Variants in SIRT3 observed in about 807,000 individuals in gnomAD.
SIRT3 encodes the protein sirtuin 3.
In SIRT3, 26 loss-of-function variants were observed where a neutral mutation model predicts 33.5. The ratio of observed to expected loss-of-function variants is 0.78; its 90% CI spans 0.57 to 1.08. SIRT3 has a LOEUF of 1.08. Ranked by LOEUF, SIRT3 falls within the 50% of genes least tolerant of loss-of-function variation. The pLI is 0.00. For missense variants in SIRT3, 585 were observed against 530.1 expected (o/e 1.10, Z -1.02); for synonymous variants, 237 against 222.1 (o/e 1.07, Z -0.60).
At chr11:230,006 C>G (rs1014782536) in intron 4 of SIRT3, among the ~76,000 whole-genome samples, 2 of 152,098 alleles carry the variant, frequency 1.3e-5, no homozygotes, top group African/African-American at 4.8e-5. Context: ...ACACAAGCTA[C>G]AAGGCGAAGG....
rs924016767 is a variant in SIRT3 at position 223,806 on chromosome 11, T to C, written c.969+272A>G. 1 of 983,164 alleles carries C rather than the reference T, an allele frequency of 1.0e-6. No homozygotes were observed. Among genetic ancestry groups the C allele is most frequent in the Non-Finnish European group, 1.6e-6 (1 of 634,680 alleles). The allele number at this position is 983,164 out of a possible 1,614,324, so 60.9% of individuals were successfully genotyped here. A position where few individuals can be genotyped will look rare whatever the true frequency, so the allele number is the denominator to read the frequency against. On this transcript the variant is annotated intron_variant, in intron 5 of 6. Transcript: ENST00000382743. The surrounding 1 kb of genome is among the most constrained non-coding windows in gnomAD (Gnocchi z 4.8). ...GGAAGGGCCCATGAGATGACTCCTG[T>C]ACCCCTCCCTTCCCCTGCCCTCCAG... is the stretch of plus-strand genomic sequence containing the variant.
At chr11:220,330 C>CA (rs55855156) in intron 5 of SIRT3, among the ~76,000 whole-genome samples, 8,957 of 86,704 alleles carry the variant, frequency 0.1, 678 homozygotes, top group East Asian at 0.44. Flanking sequence ...GACTCTGTCT[C>CA]AAAAAAAAAA....
rs756015401 is a variant in SIRT3 at position 236,161 on chromosome 11, G to C, written c.168C>G (p.Ala56=). 2 of 1,566,782 alleles carry C rather than the reference G, an allele frequency of 1.3e-6. No individual in the cohort carries two copies. Among genetic ancestry groups the C allele is most frequent in the Non-Finnish European group, 8.6e-7 (1 of 1,158,020 alleles). Reference sequence around the variant, plus strand: ...GCGCCGGGTCCAAGGGCTCACCGCGGGCCCCATGGCTGCCTCTCAGCCCCG... The same window carrying C: ...GCGCCGGGTCCAAGGGCTCACCGCGCGCCCCATGGCTGCCTCTCAGCCCCG... The part of the protein sequence containing the change: ...VSAGLRGSHG[A]RGEPLDPARP... Residue 56 remains alanine, a synonymous_variant, in exon 1 of 7, where the codon GCC becomes GCG. Coordinates refer to ENST00000382743, the MANE Select transcript of SIRT3 (RefSeq NM_012239.6).
chr11:216,030 C>G lies in SIRT3; in HGVS notation c.*668G>C, dbSNP rs1020019249. The G allele has an allele frequency of 6.5e-6, 1 of 152,694 alleles. No individual in the cohort carries two copies. Among genetic ancestry groups the G allele is most frequent in the Non-Finnish European group, 1.5e-5 (1 of 68,172 alleles). 9.5% of individuals were successfully genotyped at this position (152,694 alleles called of 1,614,324 possible). A position where few individuals can be genotyped will look rare whatever the true frequency, so the allele number is the denominator to read the frequency against. Reference sequence around the variant, plus strand: ...CCACCTTCAGAGGGAGGAGCTGGGCCGTCTCCAATAAATCCAGGGACAAAT... The same window carrying G: ...CCACCTTCAGAGGGAGGAGCTGGGCGGTCTCCAATAAATCCAGGGACAAAT... On this transcript the variant is annotated 3_prime_UTR_variant, in exon 7 of 7. Transcript: ENST00000382743.
Position 236,279 on chromosome 11 carries a change from C to T in SIRT3, c.50G>A (p.Arg17Gln), listed in dbSNP as rs765030215. The change falls in exon 1 of 7, where the codon CGG becomes CAG. Residue 17 changes from arginine (R) to glutamine (Q), a missense_variant. Coordinates refer to ENST00000382743, the MANE Select transcript of SIRT3 (RefSeq NM_012239.6). The stretch of plus-strand genomic sequence containing the variant: ...CCCGGCCTCGACCCGTTCAACTACC[C>T]GGCCCCACAGCCGGAGGGCTGCCGC... ...RAAAALRLWGRVVERVEAGGG... is the reference protein window; with the variant it reads ...RAAAALRLWGQVVERVEAGGG... The T allele has an allele frequency of 2.0e-6, 3 of 1,538,372 alleles. No homozygotes were observed. In the East Asian group the frequency reaches 7.5e-5, roughly 38 times the overall value.
At chr11:226,558 G>A (rs531952618) in intron 4 of SIRT3, among the ~76,000 whole-genome samples, 1 of 148,550 alleles carries the variant, frequency 6.7e-6, no homozygotes, top group African/African-American at 2.5e-5. Context: ...ACAGATGGGT[G>A]CCACCACAAA....
In SIRT3 at chr11:224,130, A is replaced by T. The variant is rs1363390088; in HGVS notation, c.917T>A (p.Val306Glu). The change falls in exon 5 of 7, where the codon GTG (valine) becomes GAG (glutamate). Residue 306 changes from valine (V) to glutamate (E), a missense_variant. Coordinates refer to ENST00000382743, the MANE Select transcript of SIRT3 (RefSeq NM_012239.6). Reference sequence around the variant, plus strand: ...CAGATCTGCCATGGGGAAATCAACCACATGCAGCAAGAACCTCTGGGGCAG... The same window carrying T: ...CAGATCTGCCATGGGGAAATCAACCTCATGCAGCAAGAACCTCTGGGGCAG... ...EPLPQRFLLH[V>E]VDFPMADLLL... is the part of the protein sequence containing the mutation. 6.2e-7 allele frequency: 1 copy of T among 1,614,130 alleles called. No homozygotes were observed. The highest frequency in any genetic ancestry group is 8.5e-7 in the Non-Finnish European group (1 of 1,180,014).
intron 4 of SIRT3, among the ~76,000 whole-genome samples, chr11:226,840 G>A (rs566778407): frequency 4.1e-5 from 6 of 147,566 alleles, no homozygotes; most frequent in African/African-American, 1.5e-4. Context: ...CGCAACCTCC[G>A]CCTCCCTGGT....
chr11:235,952 C>T, intron 1 of SIRT3, 96 bp downstream of exon 1: 1 of 1,354,498 alleles, frequency 7.4e-7, no homozygotes, highest in East Asian at 2.8e-5. Flanking sequence ...ACGTAAACTC[C>T]CAGACATGCC....
At position 216,715 on chromosome 11, in the gene SIRT3, C is replaced by G; in HGVS notation, c.1183G>C (p.Asp395His). Reference sequence around the variant, plus strand: ...CCATCATCCTATTTGTCTGGTCCATCAAGCTGGAATACAGAAGACAGAGGG... The same window carrying G: ...CCATCATCCTATTTGTCTGGTCCATGAAGCTGGAATACAGAAGACAGAGGG... The part of the protein sequence containing the change: ...DLVQRETGKL[D>H]GPDK The change falls in exon 7 of 7, where the codon GAT becomes CAT. Residue 395 changes from aspartate (D) to histidine (H), a missense_variant. Transcript: ENST00000382743. The G allele has an allele frequency of 2.5e-6, 4 of 1,614,140 alleles. No individual in the cohort carries two copies. Among genetic ancestry groups the G allele is most frequent in the Non-Finnish European group, 3.4e-6 (4 of 1,179,982 alleles).
chr11:216,561 T>A lies in SIRT3; in HGVS notation c.*137A>T, dbSNP rs1181400386. ...CTCATGGCCTGAGAAGACATTCCAG[T>A]GGCAGCCTCGGGTGTCCACTCAGTT... On this transcript the variant is annotated 3_prime_UTR_variant, in exon 7 of 7. Coordinates refer to ENST00000382743, the MANE Select transcript of SIRT3 (RefSeq NM_012239.6). The A allele has an allele frequency of 3.2e-6, 3 of 925,882 alleles. No homozygotes were observed. Among genetic ancestry groups the A allele is most frequent in the Non-Finnish European group, 3.5e-6 (2 of 576,136 alleles). 57.4% of individuals were successfully genotyped at this position (925,882 alleles called of 1,614,324 possible). A position where few individuals can be genotyped will look rare whatever the true frequency, so the allele number is the denominator to read the frequency against.
intron 4 of SIRT3, among the ~76,000 whole-genome samples, chr11:225,163 C>T (rs927710191): frequency 6.6e-6 from 1 of 152,016 alleles, no homozygotes; most frequent in Non-Finnish European, 1.5e-5. Flanking sequence ...TCTGTAATCC[C>T]AGGACTTCGG....
Position 216,547 on chromosome 11 carries a change from A to G in SIRT3, c.*151T>C. On this transcript the variant is annotated 3_prime_UTR_variant, in exon 7 of 7. Transcript: ENST00000382743. ...ACCAGTCACTGCAGCTCATGGCCTG[A>G]GAAGACATTCCAGTGGCAGCCTCGG... is the stretch of plus-strand genomic sequence containing the variant. The G allele has an allele frequency of 1.2e-6, 1 of 819,416 alleles. No individual in the cohort carries two copies. Among genetic ancestry groups the G allele is most frequent in the South Asian group, 1.6e-5 (1 of 63,238 alleles). 50.8% of individuals were successfully genotyped at this position (819,416 alleles called of 1,614,324 possible).
chr11:227,914 G>C (rs1019887765), intron 4 of SIRT3, among the ~76,000 whole-genome samples: 2 of 152,168 alleles, frequency 1.3e-5, no homozygotes, highest in African/African-American at 2.4e-5. Context: ...GAGCCACTGT[G>C]CCCAGTCCCA....
At chr11:232,950 A>G (rs1858290226) in intron 3 of SIRT3, 33 bp downstream of exon 3, 1 of 1,600,446 alleles carries the variant, frequency 6.2e-7, no homozygotes, top group East Asian at 2.2e-5. Flanking sequence ...TCCGTGGGAG[A>G]AAAAGAATGT....
intron 6 of SIRT3, among the ~76,000 whole-genome samples, chr11:216,960 G>A (rs1387243106): frequency 6.6e-6 from 1 of 152,226 alleles, no homozygotes; most frequent in African/African-American, 2.4e-5. Flanking sequence ...AATATGTACT[G>A]ATGCTCATGT....
At position 232,399 on chromosome 11, in the gene SIRT3, G is replaced by A. The variant is rs114700655; in HGVS notation, c.706+584C>T. Among the ~76,000 whole-genome samples the A allele has an allele frequency of 7.6e-3, 1,153 of 152,218 alleles. 16 individuals are homozygous for A. Among genetic ancestry groups the A allele is most frequent in the African/African-American group, 0.025 (1,025 of 41,530 alleles). On this transcript the variant is annotated intron_variant, in intron 3 of 6. Transcript: ENST00000382743. ...CTCCCAAAATGCTGGGATTACAGGT[G>A]TGATCCCACACCTGTAATCCGGCAC...
Position 216,172 on chromosome 11 carries a change from A to G in SIRT3, c.*526T>C, listed in dbSNP as rs1855624763. On this transcript the variant is annotated 3_prime_UTR_variant, in exon 7 of 7. Coordinates refer to ENST00000382743, the MANE Select transcript of SIRT3 (RefSeq NM_012239.6). The stretch of plus-strand genomic sequence containing the variant: ...GGAGACTAAATGTATTTCATGCTGG[A>G]AAGAACAGATTTTCTCTCATTAAAA... 1 of 153,796 alleles carries G rather than the reference A, an allele frequency of 6.5e-6. No individual in the cohort carries two copies. The highest frequency in any genetic ancestry group is 2.4e-5 in the African/African-American group (1 of 41,488). 9.5% of individuals were successfully genotyped at this position (153,796 alleles called of 1,614,324 possible).
chr11:236,597 C>T (rs140230575), upstream of SIRT3: 239 of 190,688 alleles, frequency 1.3e-3, no homozygotes, highest in Non-Finnish European at 2.2e-3. Context: ...GCCAGCATTT[C>T]TGTACCCTGC....
Sources: gnomAD v4.1 joint callset for allele counts (sites outside exome capture counted in the v4.1 genomes callset) on GRCh38, gnomAD v4.1.1 for gene constraint, Gnocchi (gnomAD v3.1) non-coding constraint, MANE v1.5 for transcripts, NCBI Gene and HGNC (gene_info 2026-07-23, HGNC 2026-07-21) for gene names.